The following RALGAPA1 variants were observed in gnomAD, a reference collection of about 807,000 sequenced individuals.
The protein encoded by RALGAPA1 is Ral GTPase activating protein catalytic subunit alpha 1.
In RALGAPA1, 52 loss-of-function variants were observed where a neutral mutation model predicts 269.6. That is an observed-to-expected ratio of 0.19 (90% CI 0.15 to 0.24). RALGAPA1 has a LOEUF of 0.24. Among genes scored for constraint, RALGAPA1 ranks in the 10% least tolerant of loss-of-function variants. The pLI is 1.00. For missense variants in RALGAPA1, 1,917 were observed against 3,013.9 expected (o/e 0.64, Z 8.52); for synonymous variants, 817 against 1,008.3 (o/e 0.81, Z 3.60).
chr14:35,636,616 G>T (rs975067898), intron 31 of RALGAPA1, among the ~76,000 whole-genome samples: 1 of 152,158 alleles, frequency 6.6e-6, no homozygotes, highest in Non-Finnish European at 1.5e-5. Flanking sequence ...CACTTCCTGG[G>T]TTCAAGTGAT....
chr14:35,669,775 A>G (rs921803401), intron 26 of RALGAPA1, among the ~76,000 whole-genome samples: 1 of 152,196 alleles, frequency 6.6e-6, no homozygotes, highest in African/African-American at 2.4e-5. Flanking sequence ...AGTAGACATT[A>G]TGTTGCTTGA....
chr14:35,633,921 T>C (rs2061505679), intron 33 of RALGAPA1, among the ~76,000 whole-genome samples: 1 of 152,178 alleles, frequency 6.6e-6, no homozygotes, highest in African/African-American at 2.4e-5. Context: ...GAGTTAACTA[T>C]GTACTAAGTA....
chr14:35,611,372 T>A (rs769353312), intron 35 of RALGAPA1, among the ~76,000 whole-genome samples: 2 of 151,742 alleles, frequency 1.3e-5, no homozygotes, highest in Non-Finnish European at 2.9e-5. Context: ...TGTGGTTGCG[T>A]GCGCTTGTAG....
At chr14:35,696,403 T>A (rs1284393899) in intron 17 of RALGAPA1, among the ~76,000 whole-genome samples, 1 of 152,114 alleles carries the variant, frequency 6.6e-6, no homozygotes, top group Non-Finnish European at 1.5e-5. Context: ...AAAAATTTTT[T>A]TTTTTAACTC....
chr14:35,678,616 C>T (rs1472336140), intron 21 of RALGAPA1, among the ~76,000 whole-genome samples: 3 of 152,240 alleles, frequency 2.0e-5, no homozygotes, highest in South Asian at 2.1e-4. Context: ...CTGTCACTTC[C>T]TCATTTAAAA....
intron 37 of RALGAPA1, among the ~76,000 whole-genome samples, chr14:35,577,284 T>G (rs1178465821): frequency 6.6e-6 from 1 of 151,046 alleles, no homozygotes; most frequent in Non-Finnish European, 1.5e-5. Flanking sequence ...ACCCCCCAAA[T>G]TCATATTGTG....
At position 35,738,550 on chromosome 14, in the gene RALGAPA1, T is replaced by C. The variant is rs1383654593; in HGVS notation, c.1550A>G (p.Glu517Gly). 6.2e-7 allele frequency: 1 copy of C among 1,612,706 alleles called. No individual in the cohort carries two copies. The highest frequency in any genetic ancestry group is 2.2e-5 in the East Asian group (1 of 44,866). ...ALHNASEEATEQNIRAGTQAV... is the reference protein window; with the variant it reads ...ALHNASEEATGQNIRAGTQAV... ...CTGGGTACCAGCTCGTATGTTTTGT[T>C]CTGTGGCTTCTTCAGAGGCGTTATG... is the stretch of plus-strand genomic sequence containing the variant. Residue 517 changes from glutamate (E) to glycine (G), a missense_variant, in exon 12 of 42, where the codon GAA (glutamate) becomes GGA (glycine). Glu to Gly is a moderately conservative substitution (Grantham distance 98). This residue lies in a region of RALGAPA1 where 462 missense variants were observed against 725.6 expected (regional missense o/e 0.64). Transcript: ENST00000680220.
chr14:35,696,843 A>C (rs1398591235), intron 17 of RALGAPA1, among the ~76,000 whole-genome samples: 1 of 152,104 alleles, frequency 6.6e-6, no homozygotes, highest in Non-Finnish European at 1.5e-5. Context: ...CATGAGGGAG[A>C]GCTACAAAAG....
rs539556933 is a variant in RALGAPA1 at position 35,581,412 on chromosome 14, CT to C, written c.7210-8695del. ...AATTATGAGATCAAATAAAAATTCC[CT>C]TTCTGTTGGACTTAAAAGCTGCTAT... On this transcript the variant is annotated intron_variant, in intron 37 of 41. Coordinates refer to ENST00000680220, the MANE Select transcript of RALGAPA1 (RefSeq NM_001346249.2). Among the ~76,000 whole-genome samples, 338 of 152,140 alleles carry C rather than the reference CT, an allele frequency of 2.2e-3. 3 individuals are homozygous for C. The highest frequency in any genetic ancestry group is 3.9e-3 in the Non-Finnish European group (267 of 67,942).
intron 6 of RALGAPA1, among the ~76,000 whole-genome samples, chr14:35,758,015 G>A (rs1020072523): frequency 4.6e-5 from 7 of 152,114 alleles, no homozygotes; most frequent in African/African-American, 7.2e-5. Flanking sequence ...TTGGGAGGCC[G>A]AGGCGAGTGG....
chr14:35,691,471 A>T (rs1008287507), intron 17 of RALGAPA1, among the ~76,000 whole-genome samples: 2 of 152,236 alleles, frequency 1.3e-5, no homozygotes, highest in South Asian at 2.1e-4. Context: ...TTCTTGCACA[A>T]AAGTTAAATG....
chr14:35,660,937 T>A (rs1374228473), intron 27 of RALGAPA1, among the ~76,000 whole-genome samples: 2 of 151,984 alleles, frequency 1.3e-5, no homozygotes, highest in Non-Finnish European at 2.9e-5. Flanking sequence ...AAGCAGAGAG[T>A]AGAACGGTAG....
rs770580643 is a variant in RALGAPA1, at chr14:35,774,973, A to G, written c.267+33T>C. ...TTGTATGTTCCAAAAATTATTTTTG[A>G]AAAAGGGAAAAGTTAGGTTCAGAAG... On this transcript the variant is annotated intron_variant, in intron 3 of 41. Transcript: ENST00000680220. 7 of 1,377,016 alleles carry G rather than the reference A, an allele frequency of 5.1e-6. No homozygotes were observed. In the South Asian group the frequency reaches 7.5e-5, roughly 15 times the overall value. The allele number at this position is 1,377,016 out of a possible 1,614,324, so 85.3% of individuals were successfully genotyped here. A position where few individuals can be genotyped will look rare whatever the true frequency, so the allele number is the denominator to read the frequency against.
intron 16 of RALGAPA1, 40 bp from the exon 17 acceptor site, chr14:35,700,342 G>T: frequency 6.8e-7 from 1 of 1,465,534 alleles, no homozygotes; most frequent in Non-Finnish European, 9.0e-7. Flanking sequence ...AAGGAAAAAA[G>T]AAGAGTGACT....
chr14:35,763,367 C>G (rs73252336), intron 4 of RALGAPA1, among the ~76,000 whole-genome samples: 14 of 152,198 alleles, frequency 9.2e-5, no homozygotes, highest in African/African-American at 3.1e-4. Flanking sequence ...ACAGGTATCA[C>G]TGAGGCCCAA....
intron 21 of RALGAPA1, 47 bp downstream of exon 21, chr14:35,683,761 AG>A (rs1390323504): frequency 7.2e-7 from 1 of 1,392,656 alleles, no homozygotes; most frequent in Non-Finnish European, 9.7e-7. Flanking sequence ...AATTCTTTGA[AG>A]GCTTAAAAAA....
chr14:35,777,184 A>G (rs936849619), intron 1 of RALGAPA1, among the ~76,000 whole-genome samples: 1 of 152,144 alleles, frequency 6.6e-6, no homozygotes, highest in African/African-American at 2.4e-5. Flanking sequence ...TTAAGATACC[A>G]TTTTTAAGTG....
At chr14:35,755,499 T>G (rs1172708739) in intron 7 of RALGAPA1, among the ~76,000 whole-genome samples, 1 of 152,208 alleles carries the variant, frequency 6.6e-6, no homozygotes, top group African/African-American at 2.4e-5. Flanking sequence ...TGCAGTTTAT[T>G]GTGTATCAAT....
chr14:35,712,742 A>T (rs913644382), intron 16 of RALGAPA1, among the ~76,000 whole-genome samples: 7 of 152,194 alleles, frequency 4.6e-5, no homozygotes, highest in Admixed American at 4.6e-4. Flanking sequence ...CCTGGCCTCA[A>T]GCAATCCTCC....
Sources: allele counts gnomAD v4.1 joint callset (sites outside exome capture counted in the v4.1 genomes callset), GRCh38; gene constraint gnomAD v4.1.1; regional missense constraint gnomAD v4.1.1; transcripts MANE v1.5; gene names NCBI Gene and HGNC (gene_info 2026-07-23, HGNC 2026-07-21).